The following LRRTM4 variants were observed in gnomAD, a reference collection of about 807,000 sequenced individuals.
LRRTM4 encodes leucine-rich repeat transmembrane neuronal protein 4.
A neutral mutation model predicts 47.6 loss-of-function variants in LRRTM4; 25 were observed. That is an observed-to-expected ratio of 0.53 (90% CI 0.38 to 0.73). LRRTM4 has a LOEUF of 0.73. Among genes scored for constraint, LRRTM4 ranks in the 30% least tolerant of loss-of-function variants. The pLI, the probability that LRRTM4 is intolerant of heterozygous loss-of-function variation, is 0.00. For synonymous variants in LRRTM4, 311 were observed against 269.5 expected, an observed-to-expected ratio of 1.15 and a Z score of -1.51; for missense variants, 638 against 713.4, an observed-to-expected ratio of 0.89 and a Z score of 1.20.
intron 3 of LRRTM4, among the ~76,000 whole-genome samples, chr2:76,980,955 G>A (rs765827499): frequency 1.3e-5 from 2 of 151,992 alleles, no homozygotes; most frequent in Non-Finnish European, 2.9e-5. Flanking sequence ...TATCTACCTG[G>A]TTAACACAAT....
chr2:76,975,409 TA>T (rs1213364023), intron 3 of LRRTM4, among the ~76,000 whole-genome samples: 1 of 150,882 alleles, frequency 6.6e-6, no homozygotes, highest in Non-Finnish European at 1.5e-5. Flanking sequence ...GAGACTTATT[TA>T]TTTATTTATT....
In LRRTM4 at chr2:76,824,344, A is replaced by G. The variant is rs897564296; in HGVS notation, c.1552-75428T>C. On this transcript the variant is annotated intron_variant, in intron 3 of 3. Coordinates refer to ENST00000409884, the MANE Select transcript of LRRTM4 (RefSeq NM_001134745.3). ...CTCATAAATGCATGAATGGAATACA[A>G]TTTTTAACTTGTGTTTGTATCTGCA... Among the ~76,000 whole-genome samples, 3 of 151,586 alleles carry G rather than the reference A, an allele frequency of 2.0e-5. No individual in the cohort carries two copies. In the South Asian group the frequency reaches 6.2e-4, roughly 31 times the overall value.
At chr2:76,761,935 G>A (rs1264146891) in intron 3 of LRRTM4, among the ~76,000 whole-genome samples, 3 of 152,142 alleles carry the variant, frequency 2.0e-5, no homozygotes, top group African/African-American at 7.2e-5. Context: ...GAAATAATAA[G>A]CATTGTCACA....
chr2:76,875,308 C>T (rs1045349855), intron 3 of LRRTM4, among the ~76,000 whole-genome samples: 5 of 152,092 alleles, frequency 3.3e-5, no homozygotes, highest in African/African-American at 1.2e-4. Flanking sequence ...CCTGATTTCC[C>T]TCTTGAAACT....
intron 3 of LRRTM4, among the ~76,000 whole-genome samples, chr2:76,974,243 T>TAC (rs1558771845): frequency 3.0e-4 from 39 of 131,378 alleles, no homozygotes; most frequent in African/African-American, 1.1e-3. Flanking sequence ...TATATATACA[T>TAC]ATATATATAT....
At chr2:77,018,841 A>T (rs1166286479) in intron 3 of LRRTM4, among the ~76,000 whole-genome samples, 7 of 152,124 alleles carry the variant, frequency 4.6e-5, no homozygotes, top group African/African-American at 1.2e-4. Context: ...TTCTTCTTTC[A>T]TGAAAGCAAG....
intron 3 of LRRTM4, among the ~76,000 whole-genome samples, chr2:77,127,702 G>C (rs1671682688): frequency 1.3e-5 from 2 of 152,000 alleles, no homozygotes; most frequent in Admixed American, 1.3e-4. Context: ...ACAAGAACAA[G>C]TCTCCTGAAA....
At chr2:77,177,867 C>T (rs761869743) in intron 3 of LRRTM4, among the ~76,000 whole-genome samples, 121 of 152,280 alleles carry the variant, frequency 7.9e-4, no homozygotes, top group Non-Finnish European at 1.6e-3. Flanking sequence ...TTATGGTTCC[C>T]TTCCAGTCAG....
chr2:76,767,798 C>G lies in LRRTM4; in HGVS notation c.1552-18882G>C, dbSNP rs10209673. On this transcript the variant is annotated intron_variant, in intron 3 of 3. Transcript: ENST00000409884. ...ACATGCCTCTTCACATCTACTCTTG[C>G]CTATTTTTGCAAAATGCAGGTTTGT... is the stretch of plus-strand genomic sequence containing the variant. Among the ~76,000 whole-genome samples, 1,371 of 152,228 alleles carry G rather than the reference C, an allele frequency of 9.0e-3. 25 individuals are homozygous for G. Among genetic ancestry groups the G allele is most frequent in the African/African-American group, 0.032 (1,309 of 41,526 alleles).
chr2:77,438,485 C>A (rs866986398), intron 3 of LRRTM4, among the ~76,000 whole-genome samples: 1 of 147,336 alleles, frequency 6.8e-6, no homozygotes, highest in Non-Finnish European at 1.5e-5. Flanking sequence ...CGGCTCACTG[C>A]GCGCTCCGCC....
intron 3 of LRRTM4, among the ~76,000 whole-genome samples, chr2:77,074,499 C>T (rs141607368): frequency 6.6e-6 from 1 of 152,070 alleles, no homozygotes; most frequent in Non-Finnish European, 1.5e-5. Flanking sequence ...GAATATTCAA[C>T]ACCCCTGTTA....
chr2:77,309,596 GC>G (rs1304813105), intron 3 of LRRTM4, among the ~76,000 whole-genome samples: 2 of 152,058 alleles, frequency 1.3e-5, no homozygotes, highest in East Asian at 3.9e-4. Flanking sequence ...AGGAAAGCTA[GC>G]CCCCTGGGAT....
chr2:77,193,293 C>A (rs1043365083), intron 3 of LRRTM4, among the ~76,000 whole-genome samples: 31 of 152,148 alleles, frequency 2.0e-4, no homozygotes, highest in African/African-American at 5.5e-4. Flanking sequence ...ACAAAATCAC[C>A]AAACAAAGCA....
At chr2:77,054,781 G>A (rs1435681533) in intron 3 of LRRTM4, among the ~76,000 whole-genome samples, 1 of 152,174 alleles carries the variant, frequency 6.6e-6, no homozygotes, top group Non-Finnish European at 1.5e-5. Context: ...CAATCAGGCT[G>A]CTATTTCTTT....
intron 3 of LRRTM4, among the ~76,000 whole-genome samples, chr2:76,908,213 C>T (rs1673919205): frequency 6.6e-6 from 1 of 151,206 alleles, no homozygotes; most frequent in Non-Finnish European, 1.5e-5. Context: ...AAATGTAATC[C>T]AGCATATAAA....
At chr2:77,091,915 A>G (rs1001544981) in intron 3 of LRRTM4, among the ~76,000 whole-genome samples, 1 of 142,674 alleles carries the variant, frequency 7.0e-6, no homozygotes, top group African/African-American at 2.9e-5. Flanking sequence ...CTTCCTGGGC[A>G]TGGTTAGCGC....
chr2:77,063,237 C>T (rs920369252), intron 3 of LRRTM4, among the ~76,000 whole-genome samples: 1 of 152,092 alleles, frequency 6.6e-6, no homozygotes, highest in African/African-American at 2.4e-5. Context: ...GGATTATAGG[C>T]GTGAGCCACT....
At chr2:76,875,694 T>C (rs1166633180) in intron 3 of LRRTM4, among the ~76,000 whole-genome samples, 1 of 152,180 alleles carries the variant, frequency 6.6e-6, no homozygotes, top group African/African-American at 2.4e-5. Context: ...TAATACCTAA[T>C]TACCCACTGC....
chr2:77,226,618 C>A (rs1446299810), intron 3 of LRRTM4, among the ~76,000 whole-genome samples: 2 of 150,840 alleles, frequency 1.3e-5, no homozygotes, highest in Non-Finnish European at 3.0e-5. Context: ...GAAAAGTTCA[C>A]TAAATTATAT....
Sources: gnomAD v4.1 joint callset for allele counts (sites outside exome capture counted in the v4.1 genomes callset) on GRCh38, gnomAD v4.1.1 for gene constraint, MANE v1.5 for transcripts, NCBI Gene and HGNC (gene_info 2026-07-23, HGNC 2026-07-21) for gene names.